Variants in ZNF555 observed in about 807,000 individuals in gnomAD.
ZNF555 encodes zinc finger protein 555.
Under a neutral mutation model 14.0 loss-of-function variants are expected in ZNF555, and 10 were observed. That is an observed-to-expected ratio of 0.72 (90% CI 0.44 to 1.21). The LOEUF is 1.21. Among genes scored for constraint, ZNF555 ranks in the 50% most tolerant of loss-of-function variants. ZNF555 has a pLI of 0.00. For synonymous variants in ZNF555, 277 were observed against 262.4 expected, an observed-to-expected ratio of 1.06 and a Z score of -0.54; for missense variants, 747 against 762.0, an observed-to-expected ratio of 0.98 and a Z score of 0.23.
chr19:2,841,993 CG>C (rs1022059507), intron 1 of ZNF555, among the ~76,000 whole-genome samples: 5 of 151,990 alleles, frequency 3.3e-5, no homozygotes, highest in African/African-American at 1.2e-4. Context: ...CAGGCTCCCC[CG>C]GGACCCGCCC....
chr19:2,852,868 C>A lies in ZNF555; in HGVS notation c.803C>A (p.Ser268Tyr), dbSNP rs1321039807. ...CKECGKAFSY[S>Y]STFRRHTITH... is the part of the protein sequence containing the mutation. The stretch of plus-strand genomic sequence containing the variant: ...GAATGTGGGAAAGCTTTCAGTTATT[C>A]CTCAACGTTTCGAAGACACACAATA... The change falls in exon 4 of 4, where the codon TCC becomes TAC. Residue 268 changes from serine (S) to tyrosine (Y), a missense_variant. Transcript: ENST00000334241. 7 of 1,614,172 alleles carry A rather than the reference C, an allele frequency of 4.3e-6. No individual in the cohort carries two copies. Among genetic ancestry groups the A allele is most frequent in the Non-Finnish European group, 5.9e-6 (7 of 1,180,032 alleles).
At position 2,853,768 on chromosome 19, in the gene ZNF555, A is replaced by G. The variant is rs202126600; in HGVS notation, c.1703A>G (p.His568Arg). Residue 568 changes from histidine to arginine, a missense_variant, in exon 4 of 4, where the codon CAT (histidine) becomes CGT (arginine). Physicochemically the swap from His to Arg is conservative, Grantham distance 29. Transcript: ENST00000334241. ...GGAGAGAAACCTTATCAATGTAAGC[A>G]TTGTGGGAAAGCATTCAATTGTTCC... ...HTGEKPYQCK[H>R]CGKAFNCSSS... 3 of 1,608,824 alleles carry G rather than the reference A, an allele frequency of 1.9e-6. No homozygotes were observed. Among genetic ancestry groups the G allele is most frequent in the Non-Finnish European group, 2.5e-6 (3 of 1,177,232 alleles).
chr19:2,857,799 T>G lies in ZNF555; in HGVS notation c.*3847T>G, dbSNP rs2087696208. 6.6e-6 allele frequency: 1 copy of G among 152,024 alleles called. No individual in the cohort carries two copies. Among genetic ancestry groups the G allele is most frequent in the Non-Finnish European group, 1.5e-5 (1 of 68,030 alleles). The allele number at this position is 152,024 out of a possible 1,614,324, so 9.4% of individuals were successfully genotyped here. On this transcript the variant is annotated 3_prime_UTR_variant, in exon 4 of 4. Coordinates refer to ENST00000334241, the MANE Select transcript of ZNF555 (RefSeq NM_152791.5). The stretch of plus-strand genomic sequence containing the variant: ...TTGAGGCTGCAGTGAACTATGATCA[T>G]GCACTGCACTCTACACTGGGCGACA...
At position 2,854,803 on chromosome 19, in the gene ZNF555, G is replaced by A. The variant is rs2087670108; in HGVS notation, c.*851G>A. 1.3e-5 allele frequency: 2 copies of A among 152,114 alleles called. No individual in the cohort carries two copies. Among genetic ancestry groups the A allele is most frequent in the African/African-American group, 4.8e-5 (2 of 41,420 alleles). The allele number at this position is 152,114 out of a possible 1,614,324, so 9.4% of individuals were successfully genotyped here. On this transcript the variant is annotated 3_prime_UTR_variant, in exon 4 of 4. Coordinates refer to ENST00000334241, the MANE Select transcript of ZNF555 (RefSeq NM_152791.5). ...AGACATCTCCATTAACTTGATATTA[G>A]GGATATTCCTGTGTGGTCAGTCACC...
rs140769402 is a variant in ZNF555, at chr19:2,853,467, C to A, written c.1402C>A (p.Arg468=). 1 of 1,614,098 alleles carries A rather than the reference C, an allele frequency of 6.2e-7. No individual in the cohort carries two copies. The highest frequency in any genetic ancestry group is 1.3e-5 in the African/African-American group (1 of 75,022). ...GKAFSLSACF[R]EHVRMHPEDK... is the part of the protein sequence containing the mutation. ...AGCCTTCAGCTTGTCTGCTTGCTTT[C>A]GAGAACATGTGAGAATGCACCCTGA... Residue 468 remains arginine (R), a synonymous_variant, in exon 4 of 4, where the codon CGA becomes AGA. Transcript: ENST00000334241.
chr19:2,842,018 G>T (rs1201688683), intron 1 of ZNF555, among the ~76,000 whole-genome samples: 1 of 152,000 alleles, frequency 6.6e-6, no homozygotes, highest in Admixed American at 6.5e-5. Context: ...GGCCGACGCC[G>T]CGGTGCCTCC....
In ZNF555 at chr19:2,851,875, G is replaced by T. The variant is rs140501578; in HGVS notation, c.314+224G>T. ...CCATTATCAAGAAACCCTAGGCCAG[G>T]TACGGTGGCTCACACCTGTAATCCT... On this transcript the variant is annotated intron_variant, in intron 3 of 3. Coordinates refer to ENST00000334241, the MANE Select transcript of ZNF555 (RefSeq NM_152791.5). 8.5e-5 allele frequency among the ~76,000 whole-genome samples: 13 copies of T among 152,332 alleles called. No individual in the cohort carries two copies. The East Asian group carries it at 2.5e-3, about 29-fold the overall frequency.
intron 1 of ZNF555, among the ~76,000 whole-genome samples, chr19:2,849,209 C>T (rs1429993729): frequency 2.0e-5 from 3 of 151,918 alleles, no homozygotes; most frequent in Non-Finnish European, 1.5e-5. Flanking sequence ...TGATCTTTCT[C>T]AGCAGGTTTG....
intron 1 of ZNF555, among the ~76,000 whole-genome samples, chr19:2,843,375 G>C (rs1411001661): frequency 6.6e-6 from 1 of 152,054 alleles, no homozygotes; most frequent in African/African-American, 2.4e-5. Context: ...CTGTTACCCA[G>C]GCTGGTCTCG....
At chr19:2,841,714 G>A in intron 1 of ZNF555, 139 bp downstream of exon 1, 1 of 1,076,566 alleles carries the variant, frequency 9.3e-7, no homozygotes, top group Non-Finnish European at 1.2e-6. Context: ...TGGGCCCCGG[G>A]GGTCCCGCCC....
At position 2,846,109 on chromosome 19, in the gene ZNF555, A is replaced by C. The variant is rs189252631; in HGVS notation, c.4-4478A>C. ...GTTCTCAGTGTAGACCGAATAATTC[A>C]GTTTAGTCCTCAGTTTCAGAGGCTC... On this transcript the variant is annotated intron_variant, in intron 1 of 3. Coordinates refer to ENST00000334241, the MANE Select transcript of ZNF555 (RefSeq NM_152791.5). 3.3e-3 allele frequency among the ~76,000 whole-genome samples: 507 copies of C among 152,266 alleles called. 2 individuals are homozygous for C. The highest frequency in any genetic ancestry group is 0.011 in the African/African-American group (474 of 41,544).
In ZNF555 at chr19:2,853,646, G is replaced by A; in HGVS notation, c.1581G>A (p.Val527=). 6.3e-7 allele frequency: 1 copy of A among 1,598,522 alleles called. No homozygotes were observed. The highest frequency in any genetic ancestry group is 8.5e-7 in the Non-Finnish European group (1 of 1,172,656). The part of the protein sequence containing the change: ...FSWPELLQQH[V]RTHTVEKPYE... ...GGCCTGAACTTTTGCAACAACATGT[G>A]AGAACGCACACTGTAGAGAAGCCCT... is the stretch of plus-strand genomic sequence containing the variant. The change falls in exon 4 of 4, where the codon GTG becomes GTA. Residue 527 remains valine (V), a synonymous_variant. Coordinates refer to ENST00000334241, the MANE Select transcript of ZNF555 (RefSeq NM_152791.5).
intron 1 of ZNF555, among the ~76,000 whole-genome samples, chr19:2,843,827 A>T (rs1189440098): frequency 6.6e-6 from 1 of 152,116 alleles, no homozygotes; most frequent in Non-Finnish European, 1.5e-5. Context: ...ATTTCCCCGA[A>T]CACAGGGGCT....
chr19:2,853,288 C>T lies in ZNF555; in HGVS notation c.1223C>T (p.Pro408Leu). 1 of 1,613,908 alleles carries T rather than the reference C, an allele frequency of 6.2e-7. No homozygotes were observed. Residue 408 changes from proline to leucine, a missense_variant, in exon 4 of 4, where the codon CCC becomes CTC. Pro to Leu is a moderately conservative substitution (Grantham distance 98, BLOSUM62 -3). Coordinates refer to ENST00000334241, the MANE Select transcript of ZNF555 (RefSeq NM_152791.5). The stretch of plus-strand genomic sequence containing the variant: ...CAGTGCGGGAAAGCATTCAGTCACC[C>T]CTCCTCCTTTCGAGGACACATGAGG... ...CNQCGKAFSH[P>L]SSFRGHMRVH...
In ZNF555 at chr19:2,850,921, G is replaced by C. The variant is rs192727746; in HGVS notation, c.130+208G>C. ...TCAGCTTTTTATTTTTGTAGAGAAA[G>C]CTCCCTTCATGTCGTCATTGTGGAT... On this transcript the variant is annotated intron_variant, in intron 2 of 3. Coordinates refer to ENST00000334241, the MANE Select transcript of ZNF555 (RefSeq NM_152791.5). 5.3e-5 allele frequency among the ~76,000 whole-genome samples: 8 copies of C among 152,132 alleles called. No individual in the cohort carries two copies. In the East Asian group the frequency reaches 1.5e-3, roughly 29 times the overall value.
rs1189758297 is a variant in ZNF555, at chr19:2,859,228, G to A, written c.*5276G>A. ...TCCATGAAGTGCGCAGGCGCACTTA[G>A]GCGAGGCGGGGCGACTCTAGGAAGT... is the stretch of plus-strand genomic sequence containing the variant. On this transcript the variant is annotated 3_prime_UTR_variant, in exon 4 of 4. Coordinates refer to ENST00000334241, the MANE Select transcript of ZNF555 (RefSeq NM_152791.5). 1 of 152,298 alleles carries A rather than the reference G, an allele frequency of 6.6e-6. No individual in the cohort carries two copies. Among genetic ancestry groups the A allele is most frequent in the Non-Finnish European group, 1.5e-5 (1 of 68,090 alleles). The allele number at this position is 152,298 out of a possible 1,614,324, so 9.4% of individuals were successfully genotyped here.
At position 2,854,713 on chromosome 19, in the gene ZNF555, A is replaced by G. The variant is rs187206390; in HGVS notation, c.*761A>G. On this transcript the variant is annotated 3_prime_UTR_variant, in exon 4 of 4. Coordinates refer to ENST00000334241, the MANE Select transcript of ZNF555 (RefSeq NM_152791.5). ...TCCAGATTCTTATTCCTGCCAATCAAGAGTACCATCAAAAGAAACACTTAA... is the reference window on the plus strand; with the variant it reads ...TCCAGATTCTTATTCCTGCCAATCAGGAGTACCATCAAAAGAAACACTTAA... 6.6e-6 allele frequency: 1 copy of G among 152,380 alleles called. No homozygotes were observed. The highest frequency in any genetic ancestry group is 2.4e-5 in the African/African-American group (1 of 41,560). 9.4% of individuals were successfully genotyped at this position (152,380 alleles called of 1,614,324 possible). A position where few individuals can be genotyped will look rare whatever the true frequency, so the allele number is the denominator to read the frequency against.
rs1293059582 is a variant in ZNF555, at chr19:2,850,228, A to G, written c.4-359A>G. 4.6e-5 allele frequency among the ~76,000 whole-genome samples: 7 copies of G among 152,322 alleles called. No individual in the cohort carries two copies. In the East Asian group the frequency reaches 1.3e-3, roughly 29 times the overall value. The stretch of plus-strand genomic sequence containing the variant: ...TGTAGTGCCGAATGATGGTGTGTGC[A>G]GCAGGGGAGGAGCTAAAACGGTTTG... On this transcript the variant is annotated intron_variant, in intron 1 of 3. Transcript: ENST00000334241.
Position 2,857,841 on chromosome 19 carries a change from C to T in ZNF555, c.*3889C>T, listed in dbSNP as rs1443488092. 1 of 149,184 alleles carries T rather than the reference C, an allele frequency of 6.7e-6. No homozygotes were observed. The highest frequency in any genetic ancestry group is 1.5e-5 in the Non-Finnish European group (1 of 67,234). 9.2% of individuals were successfully genotyped at this position (149,184 alleles called of 1,614,324 possible). On this transcript the variant is annotated 3_prime_UTR_variant, in exon 4 of 4. Transcript: ENST00000334241. ...TGGGCGACAGAGCAAGACCCTGTCT[C>T]AAAAAAAAAGGAATACAAAACATTC...
Sources: allele counts gnomAD v4.1 joint callset (sites outside exome capture counted in the v4.1 genomes callset), GRCh38; gene constraint gnomAD v4.1.1; transcripts MANE v1.5; gene names NCBI Gene and HGNC (gene_info 2026-07-23, HGNC 2026-07-21).